KLF12: variants seen among roughly 807,000 people sequenced by gnomAD.
KLF12 encodes the protein KLF transcription factor 12, also known as Krueppel-like factor 12.
Under a neutral mutation model 37.8 loss-of-function variants are expected in KLF12, and 9 were observed. The observed-to-expected ratio is 0.24, with a 90% CI of 0.14 to 0.42. The LOEUF is 0.42. KLF12 is among the 10% of genes least tolerant of loss of function. The pLI is 1.00. For missense variants in KLF12, 411 were observed against 516.0 expected, an observed-to-expected ratio of 0.80 and a Z score of 1.97; for synonymous variants, 208 against 202.1, an observed-to-expected ratio of 1.03 and a Z score of -0.25.
At chr13:74,204,138 A>G in the KLF12 span, among the ~76,000 whole-genome samples, 2 of 152,130 alleles carry the variant, frequency 1.3e-5, no homozygotes, top group Non-Finnish European at 2.9e-5. Context: ...TGGTTTTTAA[A>G]TTCCAGTTTT....
the KLF12 span, among the ~76,000 whole-genome samples, chr13:74,170,234 G>A: frequency 0.23 from 34,716 of 152,080 alleles, 5,687 homozygotes; most frequent in African/African-American, 0.47. Context: ...GTTTTCATGG[G>A]AAATAATTAA....
chr13:73,738,134 C>CAT (rs1449933940), intron 6 of KLF12, among the ~76,000 whole-genome samples: 1 of 94,932 alleles, frequency 1.1e-5, no homozygotes, highest in Non-Finnish European at 2.0e-5. Context: ...TACACACACA[C>CAT]ACATATATAT....
At chr13:73,936,928 A>G (rs1292021965) in intron 3 of KLF12, among the ~76,000 whole-genome samples, 1 of 152,226 alleles carries the variant, frequency 6.6e-6, no homozygotes, top group African/African-American at 2.4e-5. Flanking sequence ...GCAGTGGCTC[A>G]GGCCTATAAT....
the KLF12 span, among the ~76,000 whole-genome samples, chr13:74,196,461 G>C: frequency 6.6e-6 from 1 of 152,172 alleles, no homozygotes; most frequent in African/African-American, 2.4e-5. Context: ...AGAGATAAGA[G>C]CAAGTAGTGG....
Position 73,859,461 on chromosome 13 carries a change from G to A in KLF12, c.124-13088C>T, listed in dbSNP as rs542907192. Among the ~76,000 whole-genome samples the A allele has an allele frequency of 1.6e-4, 25 of 152,226 alleles. 1 individual carries two copies. The South Asian group carries it at 2.7e-3, about 16-fold the overall frequency. On this transcript the variant is annotated intron_variant, in intron 3 of 7. Transcript: ENST00000377669. The stretch of plus-strand genomic sequence containing the variant: ...CTGGAGAGGAAGAGAAAGACCTCCC[G>A]TCCTTATTGGTGAAATTTCCTCATG...
the KLF12 span, among the ~76,000 whole-genome samples, chr13:74,271,177 G>A: frequency 3.3e-5 from 5 of 152,150 alleles, no homozygotes; most frequent in Non-Finnish European, 5.9e-5. Context: ...AGGTGGAACA[G>A]TTTCATCCCG....
chr13:74,065,061 TA>T (rs1384028683), intron 1 of KLF12, among the ~76,000 whole-genome samples: 1 of 152,120 alleles, frequency 6.6e-6, no homozygotes, highest in Non-Finnish European at 1.5e-5. Context: ...GATTCATATA[TA>T]CATAGACACA....
chr13:73,822,597 A>G lies in KLF12; in HGVS notation c.671-9310T>C, dbSNP rs1038149745. On this transcript the variant is annotated intron_variant, in intron 4 of 7. Transcript: ENST00000377669. Reference sequence around the variant, plus strand: ...AATAATAATAAAATATAACTTAAAAATTCATGTTTTTTTGAAGTCACAACA... The same window carrying G: ...AATAATAATAAAATATAACTTAAAAGTTCATGTTTTTTTGAAGTCACAACA... Among the ~76,000 whole-genome samples, 3 of 152,188 alleles carry G rather than the reference A, an allele frequency of 2.0e-5. No individual in the cohort carries two copies. The East Asian group carries it at 5.8e-4, about 29-fold the overall frequency.
At chr13:74,095,624 A>C (rs145590132) in intron 1 of KLF12, among the ~76,000 whole-genome samples, 2 of 152,188 alleles carry the variant, frequency 1.3e-5, no homozygotes, top group African/African-American at 4.8e-5. Context: ...CCTGGACTCA[A>C]GTGATCCTCC....
chr13:74,061,222 C>A (rs1566193523), intron 1 of KLF12, among the ~76,000 whole-genome samples: 1 of 152,120 alleles, frequency 6.6e-6, no homozygotes, highest in African/African-American at 2.4e-5. Flanking sequence ...TCAATAAGGT[C>A]ATCTTATAAA....
chr13:74,237,707 G>A, the KLF12 span, among the ~76,000 whole-genome samples: 24 of 152,134 alleles, frequency 1.6e-4, no homozygotes, highest in Non-Finnish European at 3.1e-4. Context: ...TGAAGCAATT[G>A]TGAATGGGAG....
intron 3 of KLF12, among the ~76,000 whole-genome samples, chr13:73,930,583 G>A (rs1889619047): frequency 6.6e-6 from 1 of 152,108 alleles, no homozygotes; most frequent in East Asian, 1.9e-4. Flanking sequence ...AGTAACAATT[G>A]TTTTTAGTAG....
intron 1 of KLF12, among the ~76,000 whole-genome samples, chr13:74,045,675 G>T (rs1893524486): frequency 6.6e-6 from 1 of 151,946 alleles, no homozygotes; most frequent in Admixed American, 6.6e-5. Context: ...TGTCTGTGTG[G>T]AGTTTGCATG....
chr13:74,156,515 A>C, the KLF12 span, among the ~76,000 whole-genome samples: 3 of 152,210 alleles, frequency 2.0e-5, no homozygotes, highest in Admixed American at 1.3e-4. Flanking sequence ...TAAAATACAC[A>C]CATTATTGAC....
At chr13:73,998,303 T>G (rs1892175011) in intron 1 of KLF12, among the ~76,000 whole-genome samples, 1 of 152,196 alleles carries the variant, frequency 6.6e-6, no homozygotes, top group South Asian at 2.1e-4. Context: ...TTAATACATT[T>G]TAAATGTATT....
intron 4 of KLF12, among the ~76,000 whole-genome samples, chr13:73,821,274 C>T (rs1457717486): frequency 3.9e-5 from 6 of 152,104 alleles, no homozygotes; most frequent in African/African-American, 1.4e-4. Flanking sequence ...ATAATTTCCC[C>T]AATTTCAATT....
the KLF12 span, among the ~76,000 whole-genome samples, chr13:74,186,824 T>C: frequency 6.6e-6 from 1 of 152,210 alleles, no homozygotes; most frequent in Admixed American, 6.5e-5. Flanking sequence ...CTTTCCCCTT[T>C]TACAGATGAG....
At chr13:73,762,334 G>A (rs1190713492) in intron 6 of KLF12, among the ~76,000 whole-genome samples, 1 of 152,166 alleles carries the variant, frequency 6.6e-6, no homozygotes, top group Non-Finnish European at 1.5e-5. Flanking sequence ...AGCAGATGCT[G>A]CCTCTCGTAA....
chr13:73,821,870 C>T (rs73533818), intron 4 of KLF12, among the ~76,000 whole-genome samples: 1 of 152,004 alleles, frequency 6.6e-6, no homozygotes, highest in South Asian at 2.1e-4. Context: ...CCTTCTTTTC[C>T]TTCTCTAACT....
Sources: gnomAD v4.1 joint callset for allele counts (sites outside exome capture counted in the v4.1 genomes callset) on GRCh38, gnomAD v4.1.1 for gene constraint, MANE v1.5 for transcripts, NCBI Gene and HGNC (gene_info 2026-07-23, HGNC 2026-07-21) for gene names.